Variants in SCLT1 observed in about 807,000 individuals in gnomAD.
SCLT1 encodes sodium channel-associated protein 1.
SCLT1 carries 78 observed loss-of-function variants against 112.8 expected under a neutral mutation model. The observed-to-expected ratio is 0.69, with a 90% CI of 0.58 to 0.83. The LOEUF (loss-of-function observed/expected upper bound fraction) is 0.83, where lower values mean the gene tolerates loss of function less well. SCLT1 is among the 40% of genes least tolerant of loss of function. The pLI is 0.00. For missense variants in SCLT1, 747 were observed against 770.4 expected (o/e 0.97, Z 0.36); for synonymous variants, 257 against 254.7 (o/e 1.01, Z -0.09).
At chr4:129,081,495 T>C (rs1010944696) in intron 2 of SCLT1, among the ~76,000 whole-genome samples, 6 of 152,082 alleles carry the variant, frequency 3.9e-5, no homozygotes, top group Non-Finnish European at 7.4e-5. Context: ...CCTCAGGAAA[T>C]GTTCAATCAT....
At chr4:129,024,381 C>T (rs145898921) in intron 5 of SCLT1, among the ~76,000 whole-genome samples, 41,786 of 152,036 alleles carry the variant, frequency 0.27, 6,036 homozygotes, top group South Asian at 0.36. Flanking sequence ...CAGCAGCATT[C>T]GCGATTCACG....
At chr4:128,965,492 G>C (rs1252478781) in intron 10 of SCLT1, among the ~76,000 whole-genome samples, 174 bp from the exon 11 acceptor site, 1 of 152,142 alleles carries the variant, frequency 6.6e-6, no homozygotes, top group African/African-American at 2.4e-5. Context: ...TAATAAAAAG[G>C]AGGGGAGAAC....
chr4:129,025,811 C>T (rs1164133943), intron 5 of SCLT1, among the ~76,000 whole-genome samples: 2 of 151,510 alleles, frequency 1.3e-5, no homozygotes, highest in East Asian at 1.9e-4. Context: ...ACCCATCTCA[C>T]GTGCAGAGAC....
At chr4:129,050,902 T>C (rs376859324) in intron 2 of SCLT1, among the ~76,000 whole-genome samples, 7 of 152,178 alleles carry the variant, frequency 4.6e-5, no homozygotes, top group African/African-American at 1.4e-4. Flanking sequence ...AATTTTTGTA[T>C]AAGGTGTAGG....
intron 9 of SCLT1, among the ~76,000 whole-genome samples, chr4:128,982,792 G>A (rs111995305): frequency 6.6e-6 from 1 of 152,008 alleles, no homozygotes; most frequent in Non-Finnish European, 1.5e-5. Context: ...ATGAGCTACC[G>A]CACCTGGCCA....
chr4:128,961,020 T>C (rs576291001), intron 11 of SCLT1, among the ~76,000 whole-genome samples: 1 of 151,944 alleles, frequency 6.6e-6, no homozygotes, highest in Admixed American at 6.5e-5. Flanking sequence ...CCAAATCTAC[T>C]TTTTTGTTGT....
intron 3 of SCLT1, 143 bp from the exon 4 acceptor site, chr4:129,043,610 A>G (rs2125699286): frequency 1.7e-6 from 1 of 572,622 alleles, no homozygotes; most frequent in East Asian, 3.0e-5. Context: ...CAAAACCAGG[A>G]ATTTTAAATA....
chr4:129,020,070 C>G lies in SCLT1; in HGVS notation c.291-16194G>C, dbSNP rs73847382. Among the ~76,000 whole-genome samples the G allele has an allele frequency of 6.1e-3, 929 of 152,270 alleles. 6 individuals carry two copies. Among genetic ancestry groups the G allele is most frequent in the African/African-American group, 0.021 (886 of 41,544 alleles). On this transcript the variant is annotated intron_variant, in intron 5 of 20. Transcript: ENST00000281142. ...TACCCGCCATGTGGGTCTCATCCTG[C>G]ATAATTCCCTTACATATGTTGAGAC...
At chr4:128,934,346 C>T (rs931285801) in intron 18 of SCLT1, among the ~76,000 whole-genome samples, 2 of 151,510 alleles carry the variant, frequency 1.3e-5, no homozygotes, top group African/African-American at 4.8e-5. Context: ...GAATACTATA[C>T]ATACTGTTAT....
At chr4:129,081,228 T>G (rs1000157198) in intron 2 of SCLT1, among the ~76,000 whole-genome samples, 8 of 152,210 alleles carry the variant, frequency 5.3e-5, no homozygotes, top group Admixed American at 2.0e-4. Context: ...TTCTCCCTCA[T>G]GAGCCTTTTC....
intron 1 of SCLT1, among the ~76,000 whole-genome samples, chr4:129,088,273 AT>A (rs1448438714): frequency 3.9e-5 from 6 of 152,226 alleles, no homozygotes; most frequent in Admixed American, 3.9e-4. Flanking sequence ...AAATGAAAAA[AT>A]ATCTTTTAAT....
chr4:128,993,422 T>A (rs1322908389), intron 8 of SCLT1, among the ~76,000 whole-genome samples: 1 of 152,054 alleles, frequency 6.6e-6, no homozygotes, highest in Non-Finnish European at 1.5e-5. Context: ...TTAATGCTTG[T>A]GTTTTTGACC....
At chr4:129,002,570 AG>A (rs1413074591) in intron 6 of SCLT1, among the ~76,000 whole-genome samples, 2 of 152,096 alleles carry the variant, frequency 1.3e-5, no homozygotes, top group Non-Finnish European at 2.9e-5. Context: ...CTCTCTACAA[AG>A]AACTTAAACA....
rs1351018096 is a variant in SCLT1, at chr4:129,093,291, CGAGTCCCTG to C, written c.-197_-189del. On this transcript the variant is annotated 5_prime_UTR_variant, in exon 1 of 21. Transcript: ENST00000281142. ...ACGCTTCTTTCCCCCGCGCCCCAGA[CGAGTCCCTG>C]GCCCTGGTGAGAGACTGAAGATTGC... 4 of 619,100 alleles carry C rather than the reference CGAGTCCCTG, an allele frequency of 6.5e-6. No individual in the cohort carries two copies. Among genetic ancestry groups the C allele is most frequent in the Non-Finnish European group, 1.2e-5 (4 of 345,754 alleles). The allele number at this position is 619,100 out of a possible 1,614,324, so 38.4% of individuals were successfully genotyped here. A position where few individuals can be genotyped will look rare whatever the true frequency, so the allele number is the denominator to read the frequency against.
At chr4:128,962,378 T>C (rs989552461) in intron 11 of SCLT1, among the ~76,000 whole-genome samples, 14 of 152,346 alleles carry the variant, frequency 9.2e-5, no homozygotes, top group African/African-American at 2.9e-4. Context: ...TTTTCCTCCA[T>C]TTCTAACCTG....
chr4:129,026,916 C>A (rs1303400237), intron 5 of SCLT1, among the ~76,000 whole-genome samples: 2 of 152,080 alleles, frequency 1.3e-5, no homozygotes, highest in East Asian at 1.9e-4. Flanking sequence ...GAGAATACTA[C>A]AAACACCTCT....
At chr4:128,893,327 T>C (rs1733474685) in intron 18 of SCLT1, among the ~76,000 whole-genome samples, 1 of 152,170 alleles carries the variant, frequency 6.6e-6, no homozygotes, top group Non-Finnish European at 1.5e-5. Context: ...TAAATATTTA[T>C]CTCTTTATAT....
At chr4:128,919,825 T>TA (rs1420662421) in intron 18 of SCLT1, among the ~76,000 whole-genome samples, 1 of 151,566 alleles carries the variant, frequency 6.6e-6, no homozygotes, top group African/African-American at 2.4e-5. Flanking sequence ...CTTAGAAACA[T>TA]ACAACCTTCC....
At chr4:128,918,743 C>A (rs908263173) in intron 18 of SCLT1, among the ~76,000 whole-genome samples, 2 of 151,914 alleles carry the variant, frequency 1.3e-5, no homozygotes, top group East Asian at 3.9e-4. Context: ...AGAGAAAAAC[C>A]AAATGGAAAA....
Sources: gnomAD v4.1 joint callset for allele counts (sites outside exome capture counted in the v4.1 genomes callset) on GRCh38, gnomAD v4.1.1 for gene constraint, MANE v1.5 for transcripts, NCBI Gene and HGNC (gene_info 2026-07-23, HGNC 2026-07-21) for gene names.